Variants in KMT2E observed in about 807,000 individuals in gnomAD.
KMT2E encodes the protein histone reader KMT2E.
Under a neutral mutation model 184.6 loss-of-function variants are expected in KMT2E, and 30 were observed. The observed-to-expected ratio is 0.16, with a 90% CI of 0.12 to 0.22. KMT2E has a LOEUF of 0.22. Among genes scored for constraint, KMT2E ranks in the 10% least tolerant of loss-of-function variants. The probability of loss-of-function intolerance (pLI) is 1.00; values close to 1 mark genes in which losing one functional copy is unlikely to be tolerated. For synonymous variants in KMT2E, 815 were observed against 776.5 expected (o/e 1.05, Z -0.82); for missense variants, 2,023 against 2,237.4 (o/e 0.90, Z 1.93).
At chr7:105,083,117 A>C (rs1405674742) in intron 13 of KMT2E, among the ~76,000 whole-genome samples, 1 of 152,164 alleles carries the variant, frequency 6.6e-6, no homozygotes, top group African/African-American at 2.4e-5. Flanking sequence ...CTGTGAAGTC[A>C]TGCACAACAT....
At chr7:105,045,741 A>C (rs1443001546) in intron 3 of KMT2E, among the ~76,000 whole-genome samples, 1 of 152,216 alleles carries the variant, frequency 6.6e-6, no homozygotes, top group East Asian at 1.9e-4. Flanking sequence ...TGGAAATAGT[A>C]CTGCTATGAA....
chr7:105,022,466 G>A (rs1234889243), intron 1 of KMT2E, among the ~76,000 whole-genome samples: 1 of 151,098 alleles, frequency 6.6e-6, no homozygotes, highest in East Asian at 1.9e-4. Context: ...TTTTTCTATC[G>A]TCTGGAGGCA....
At chr7:105,075,973 CAATT>C (rs878866006) in intron 8 of KMT2E, 66 bp from the exon 9 acceptor site, 6 of 1,212,522 alleles carry the variant, frequency 4.9e-6, no homozygotes, top group Admixed American at 2.0e-5. Context: ...TTCAATGAAC[CAATT>C]AATTCTTAAA....
chr7:105,110,731 T>G (rs778420467), intron 25 of KMT2E, 40 bp from the exon 26 acceptor site: 1 of 1,590,222 alleles, frequency 6.3e-7, no homozygotes, highest in East Asian at 2.2e-5. Context: ...GTGTTTATTG[T>G]GTAATTTTAT....
intron 15 of KMT2E, among the ~76,000 whole-genome samples, chr7:105,100,237 CAT>C (rs1237714512): frequency 6.6e-6 from 1 of 152,138 alleles, no homozygotes; most frequent in Non-Finnish European, 1.5e-5. Context: ...CTTTTGTTGA[CAT>C]AGTATTTTGT....
intron 17 of KMT2E, chr7:105,104,549 G>T (rs887910467): frequency 6.6e-6 from 1 of 152,090 alleles, no homozygotes; most frequent in Non-Finnish European, 1.5e-5. Context: ...AAAAAAATTA[G>T]CTGGGCATGG....
At chr7:105,084,960 T>C (rs1797902454) in intron 13 of KMT2E, among the ~76,000 whole-genome samples, 1 of 152,240 alleles carries the variant, frequency 6.6e-6, no homozygotes, top group East Asian at 1.9e-4. Flanking sequence ...TTTAACTTTT[T>C]ATAATTTGTG....
At chr7:105,031,810 C>T (rs1199862608) in intron 1 of KMT2E, among the ~76,000 whole-genome samples, 1 of 151,534 alleles carries the variant, frequency 6.6e-6, no homozygotes, top group Non-Finnish European at 1.5e-5. Flanking sequence ...TGGCTCATGC[C>T]TGTAATCCCT....
At chr7:105,041,974 C>T (rs1425912182) in intron 3 of KMT2E, among the ~76,000 whole-genome samples, 2 of 151,942 alleles carry the variant, frequency 1.3e-5, no homozygotes, top group African/African-American at 4.8e-5. Flanking sequence ...AAAGTACTGT[C>T]CTTGCATTGT....
chr7:105,106,967 CTTG>C (rs1418317928), intron 20 of KMT2E, among the ~76,000 whole-genome samples, 195 bp downstream of exon 20: 1 of 152,124 alleles, frequency 6.6e-6, no homozygotes, highest in African/African-American at 2.4e-5. Context: ...TAACTTTCAT[CTTG>C]TTGATATACA....
At chr7:105,096,469 A>G (rs544350998) in intron 15 of KMT2E, among the ~76,000 whole-genome samples, 2 of 152,282 alleles carry the variant, frequency 1.3e-5, no homozygotes, top group East Asian at 3.9e-4. Flanking sequence ...ATTTAAAAGG[A>G]CGGACATTTG....
At chr7:105,082,140 T>C (rs1369951805) in intron 13 of KMT2E, among the ~76,000 whole-genome samples, 1 of 152,234 alleles carries the variant, frequency 6.6e-6, no homozygotes, top group African/African-American at 2.4e-5. Context: ...TTAATCAGTA[T>C]GAATGAATAA....
intron 6 of KMT2E, among the ~76,000 whole-genome samples, chr7:105,071,572 ATG>A (rs71969745): frequency 0.089 from 6,079 of 68,222 alleles, 780 homozygotes; most frequent in East Asian, 0.29. Context: ...GTATGTATGT[ATG>A]TGTGTGTGTA....
chr7:105,069,765 T>TCTATAGAACATTCCTGTCACTG (rs1797202904), intron 6 of KMT2E, among the ~76,000 whole-genome samples: 2 of 152,202 alleles, frequency 1.3e-5, no homozygotes, highest in Non-Finnish European at 2.9e-5. Flanking sequence ...ACACAGTCAC[T>TCTATAGAACATTCCTGTCACTG]CTATAGAACA....
In KMT2E at chr7:105,105,436, T is replaced by C; in HGVS notation, c.2197-3T>C. 3 of 1,572,180 alleles carry C rather than the reference T, an allele frequency of 1.9e-6. No homozygotes were observed. Among genetic ancestry groups the C allele is most frequent in the South Asian group, 1.2e-5 (1 of 84,012 alleles). On this transcript the variant is annotated splice_polypyrimidine_tract_variant and splice_region_variant and intron_variant, in intron 17 of 26. Coordinates refer to ENST00000311117, the MANE Select transcript of KMT2E (RefSeq NM_182931.3). ...AATGATCCAATTTTTTTCTTTTCTC[T>C]AGCACTTGGTTAATGAATGGTTAAG...
chr7:105,062,538 G>T (rs1202277035), intron 4 of KMT2E, among the ~76,000 whole-genome samples: 2 of 151,914 alleles, frequency 1.3e-5, no homozygotes, highest in Non-Finnish European at 2.9e-5. Context: ...ATGCAGATAA[G>T]GTTGTATTGT....
At chr7:105,033,762 G>A (rs1795522092) in intron 1 of KMT2E, among the ~76,000 whole-genome samples, 1 of 152,028 alleles carries the variant, frequency 6.6e-6, no homozygotes, top group Non-Finnish European at 1.5e-5. Context: ...GCCTCCCAAA[G>A]TGCTGGGATT....
intron 12 of KMT2E, among the ~76,000 whole-genome samples, chr7:105,080,971 C>T (rs1449126605): frequency 1.3e-5 from 2 of 152,040 alleles, no homozygotes; most frequent in Non-Finnish European, 1.5e-5. Flanking sequence ...TCATTGCACT[C>T]CAGCCTGGAT....
rs140476504 is a variant in KMT2E at position 105,107,485 on chromosome 7, A to G, written c.3028A>G (p.Asn1010Asp). The change falls in exon 22 of 27, where the codon AAC becomes GAC. Residue 1010 changes from asparagine to aspartate, a missense_variant. Coordinates refer to ENST00000311117, the MANE Select transcript of KMT2E (RefSeq NM_182931.3). ...GAGCCCTAGGAGTAGGACTGAAGTC[A>G]ACAGGCAGTGTCCTGGAGAAAAGGA... Reference protein sequence around the residue: ...YTSPRSRTEVNRQCPGEKEPV... With the variant: ...YTSPRSRTEVDRQCPGEKEPV... 15 of 1,614,226 alleles carry G rather than the reference A, an allele frequency of 9.3e-6. No homozygotes were observed. The East Asian group carries it at 3.3e-4, about 36-fold the overall frequency.
Sources: allele counts gnomAD v4.1 joint callset (sites outside exome capture counted in the v4.1 genomes callset), GRCh38; gene constraint gnomAD v4.1.1; transcripts MANE v1.5; gene names NCBI Gene and HGNC (gene_info 2026-07-23, HGNC 2026-07-21).